The following RNF152 variants were observed in gnomAD, a reference collection of about 807,000 sequenced individuals.
RNF152 encodes the protein E3 ubiquitin-protein ligase RNF152.
RNF152 carries 11 observed loss-of-function variants against 12.7 expected under a neutral mutation model. The ratio of observed to expected loss-of-function variants is 0.86; its 90% confidence interval spans 0.54 to 1.43. RNF152 has a LOEUF of 1.43. Among genes scored for constraint, RNF152 ranks in the 40% most tolerant of loss-of-function variants. The pLI, the probability that RNF152 is intolerant of heterozygous loss-of-function variation, is 0.00. For missense variants in RNF152, 255 were observed against 274.8 expected (o/e 0.93, Z 0.51); for synonymous variants, 113 against 120.3 (o/e 0.94, Z 0.40).
Position 61,832,526 on chromosome 18 carries a change from C to T in RNF152, c.-135-15928G>A, listed in dbSNP as rs2032458578. 2.0e-5 allele frequency among the ~76,000 whole-genome samples: 3 copies of T among 152,094 alleles called. No homozygotes were observed. In the South Asian group the frequency reaches 6.2e-4, roughly 32 times the overall value. ...TGTAGAATTAAGCCTGTTTAATCCA[C>T]AAATAACTGCTTGAGTTTCAGTTTT... On this transcript the variant is annotated intron_variant, in intron 1 of 1. Coordinates refer to ENST00000312828, the MANE Select transcript of RNF152 (RefSeq NM_173557.3).
chr18:61,861,144 T>C (rs1255074187), intron 1 of RNF152, among the ~76,000 whole-genome samples: 2 of 152,220 alleles, frequency 1.3e-5, no homozygotes, highest in Admixed American at 6.5e-5. Flanking sequence ...CTAAGTGTAC[T>C]GTGTTTGTAA....
chr18:61,848,350 T>C (rs1910827074), intron 1 of RNF152, among the ~76,000 whole-genome samples: 1 of 152,216 alleles, frequency 6.6e-6, no homozygotes, highest in South Asian at 2.1e-4. Context: ...TTAGTAATTA[T>C]GCCACATTTT....
intron 1 of RNF152, among the ~76,000 whole-genome samples, chr18:61,880,422 C>CT (rs1436863459): frequency 6.6e-6 from 1 of 152,212 alleles, no homozygotes; most frequent in Non-Finnish European, 1.5e-5. Context: ...TCAAGCCAGA[C>CT]TGCCCAGGGT....
At chr18:61,819,255 G>T (rs1022656126) in intron 1 of RNF152, among the ~76,000 whole-genome samples, 1 of 152,332 alleles carries the variant, frequency 6.6e-6, no homozygotes, top group African/African-American at 2.4e-5. Flanking sequence ...CCCAACCAGG[G>T]ATAGCAGATC....
At chr18:61,857,039 A>T (rs1348429969) in intron 1 of RNF152, among the ~76,000 whole-genome samples, 1 of 152,240 alleles carries the variant, frequency 6.6e-6, no homozygotes, top group Non-Finnish European at 1.5e-5. Flanking sequence ...AGAAACCAGC[A>T]TTATTCAGTC....
intron 1 of RNF152, among the ~76,000 whole-genome samples, chr18:61,842,276 A>G (rs1910489365): frequency 6.6e-6 from 1 of 152,214 alleles, no homozygotes; most frequent in Non-Finnish European, 1.5e-5. Context: ...CACATTATAA[A>G]CATTTCCTGA....
chr18:61,865,001 CAA>C (rs1911667368), intron 1 of RNF152, among the ~76,000 whole-genome samples: 1 of 151,460 alleles, frequency 6.6e-6, no homozygotes, highest in South Asian at 2.1e-4. Flanking sequence ...GCTTGGGCAA[CAA>C]GAGGGAAACT....
chr18:61,832,036 C>T (rs986883224), intron 1 of RNF152, among the ~76,000 whole-genome samples: 3 of 152,098 alleles, frequency 2.0e-5, no homozygotes, highest in African/African-American at 7.2e-5. Context: ...GTTCCTAAGC[C>T]TTGAACTGGT....
chr18:61,874,436 C>T (rs565065410), intron 1 of RNF152, among the ~76,000 whole-genome samples: 17 of 152,332 alleles, frequency 1.1e-4, no homozygotes, highest in African/African-American at 3.8e-4. Context: ...CTCAATCAAC[C>T]AACCAGGACC....
chr18:61,818,876 A>C (rs961099536), intron 1 of RNF152, among the ~76,000 whole-genome samples: 1 of 152,214 alleles, frequency 6.6e-6, no homozygotes, highest in African/African-American at 2.4e-5. Flanking sequence ...CCCATAAGAA[A>C]GTCCTGGCCT....
intron 1 of RNF152, among the ~76,000 whole-genome samples, chr18:61,818,385 T>C (rs1909216205): frequency 6.6e-6 from 1 of 151,702 alleles, no homozygotes; most frequent in Non-Finnish European, 1.5e-5. Context: ...TTTGCACCAC[T>C]GCACTCCAGC....
chr18:61,838,617 A>G (rs1044443582), intron 1 of RNF152, among the ~76,000 whole-genome samples: 1 of 152,188 alleles, frequency 6.6e-6, no homozygotes, highest in African/African-American at 2.4e-5. Flanking sequence ...AAGCATCTAT[A>G]GATAGCCACA....
intron 1 of RNF152, among the ~76,000 whole-genome samples, chr18:61,870,756 G>A (rs1298558866): frequency 6.6e-6 from 1 of 152,094 alleles, no homozygotes; most frequent in Non-Finnish European, 1.5e-5. Context: ...ACCCACATAA[G>A]GCTCCAGCTC....
chr18:61,820,753 C>T lies in RNF152; in HGVS notation c.-135-4155G>A, dbSNP rs112477696. 3.9e-4 allele frequency among the ~76,000 whole-genome samples: 59 copies of T among 152,250 alleles called. 1 individual carries two copies. Among genetic ancestry groups the T allele is most frequent in the African/African-American group, 1.4e-3 (57 of 41,538 alleles). Reference sequence around the variant, plus strand: ...TTTATGTATAAACCTTCTTTCTTTCCATACTATTTACCTTAACTTCTACAT... The same window carrying T: ...TTTATGTATAAACCTTCTTTCTTTCTATACTATTTACCTTAACTTCTACAT... On this transcript the variant is annotated intron_variant, in intron 1 of 1. Coordinates refer to ENST00000312828, the MANE Select transcript of RNF152 (RefSeq NM_173557.3).
chr18:61,816,247 G>A lies in RNF152; in HGVS notation c.217C>T (p.Pro73Ser). Residue 73 changes from proline (P) to serine (S), a missense_variant, in exon 2 of 2, where the codon CCG (proline) becomes TCG (serine). Physicochemically the swap from Pro to Ser is moderately conservative, Grantham distance 74. Transcript: ENST00000312828. Reference sequence around the variant, plus strand: ...ATGGCGATGACAGCCAGGACCTCCGGGTCGTCCGGGAGCTGCGACACGGAG... The same window carrying A: ...ATGGCGATGACAGCCAGGACCTCCGAGTCGTCCGGGAGCTGCGACACGGAG... ...GFSVSQLPDD[P>S]EVLAVIAIPH... 6.2e-7 allele frequency: 1 copy of A among 1,614,234 alleles called. No homozygotes were observed. The highest frequency in any genetic ancestry group is 8.5e-7 in the Non-Finnish European group (1 of 1,180,030).
At chr18:61,851,523 G>A (rs1180390555) in intron 1 of RNF152, among the ~76,000 whole-genome samples, 4 of 152,180 alleles carry the variant, frequency 2.6e-5, no homozygotes, top group African/African-American at 9.7e-5. Context: ...AGCCCTATGG[G>A]AGGGTATCTT....
At chr18:61,889,360 T>C (rs368497453) in intron 1 of RNF152, among the ~76,000 whole-genome samples, 63 of 152,352 alleles carry the variant, frequency 4.1e-4, no homozygotes, top group South Asian at 2.1e-3. Context: ...ATGCTTAAGG[T>C]ATTTATCAAA....
chr18:61,831,568 C>G (rs968688706), intron 1 of RNF152, among the ~76,000 whole-genome samples: 11 of 152,076 alleles, frequency 7.2e-5, no homozygotes, highest in African/African-American at 2.7e-4. Context: ...ATGGATTATT[C>G]ATACTTTTAT....
At chr18:61,847,191 A>G (rs552983381) in intron 1 of RNF152, among the ~76,000 whole-genome samples, 82 of 152,322 alleles carry the variant, frequency 5.4e-4, no homozygotes, top group African/African-American at 1.9e-3. Flanking sequence ...AAGTGGAGAG[A>G]ACAACACAAA....
Sources: allele counts gnomAD v4.1 joint callset (sites outside exome capture counted in the v4.1 genomes callset), GRCh38; gene constraint gnomAD v4.1.1; transcripts MANE v1.5; gene names NCBI Gene and HGNC (gene_info 2026-07-23, HGNC 2026-07-21).